LAMP3: variants seen among roughly 807,000 people sequenced by gnomAD.
LAMP3 encodes the protein lysosome associated membrane protein 3, also known as lysosome-associated membrane glycoprotein 3.
LAMP3 carries 26 observed loss-of-function variants against 34.8 expected under a neutral mutation model. The observed-to-expected ratio is 0.75, with a 90% confidence interval of 0.55 to 1.04. The LOEUF (loss-of-function observed/expected upper bound fraction) is 1.04, where lower values mean the gene tolerates loss of function less well. Ranked by LOEUF, LAMP3 falls within the 50% of genes least tolerant of loss-of-function variation. The pLI is 0.00. For synonymous variants in LAMP3, 180 were observed against 201.9 expected, an observed-to-expected ratio of 0.89 and a Z score of 0.92; for missense variants, 495 against 524.0, an observed-to-expected ratio of 0.94 and a Z score of 0.54.
rs780740694 is a variant in LAMP3, at chr3:183,162,703, G to A, written c.-48C>T. 6.8e-7 allele frequency: 1 copy of A among 1,475,308 alleles called. No individual in the cohort carries two copies. Among genetic ancestry groups the A allele is most frequent in the Non-Finnish European group, 8.9e-7 (1 of 1,118,686 alleles). The allele number at this position is 1,475,308 out of a possible 1,614,324, so 91.4% of individuals were successfully genotyped here. ...GCAGCGTGCGGCGAAGTCCGGGCAG[G>A]CCCCGAATCGGTGCCAGAGAAACCT... On this transcript the variant is annotated 5_prime_UTR_variant, in exon 1 of 6. Coordinates refer to ENST00000265598, the MANE Select transcript of LAMP3 (RefSeq NM_014398.4).
chr3:183,128,599 C>T (rs500193), intron 5 of LAMP3, among the ~76,000 whole-genome samples: 131,579 of 152,166 alleles, frequency 0.86, 57,312 homozygotes, highest in Middle Eastern at 0.93. Flanking sequence ...GTTTGTGTTC[C>T]CAGGCCCATA....
At chr3:183,132,144 G>T in intron 5 of LAMP3, 5 of 985,336 alleles carry the variant, frequency 5.1e-6, no homozygotes, top group Non-Finnish European at 4.8e-6. Context: ...ACATGAAATT[G>T]AAGCAACTGA....
intron 5 of LAMP3, 148 bp from the exon 6 acceptor site, chr3:183,124,362 G>T (rs1719735106): frequency 6.7e-6 from 4 of 597,646 alleles, no homozygotes; most frequent in Non-Finnish European, 1.1e-5. Flanking sequence ...CCTTGGGCAG[G>T]TAATTTACCC....
intron 3 of LAMP3, among the ~76,000 whole-genome samples, chr3:183,144,300 G>A (rs1420148850): frequency 6.6e-6 from 1 of 152,188 alleles, no homozygotes; most frequent in Non-Finnish European, 1.5e-5. Context: ...AAGTCGGGGT[G>A]AGCACTAGAG....
chr3:183,127,652 G>T (rs576755956), intron 5 of LAMP3, among the ~76,000 whole-genome samples: 4 of 152,048 alleles, frequency 2.6e-5, no homozygotes, highest in African/African-American at 9.6e-5. Context: ...TTTAATTTTT[G>T]ATGTTTTTAG....
At chr3:183,161,634 C>T (rs1720977668) in intron 1 of LAMP3, among the ~76,000 whole-genome samples, 1 of 152,112 alleles carries the variant, frequency 6.6e-6, no homozygotes, top group Non-Finnish European at 1.5e-5. Context: ...AGTGATCCGC[C>T]GGCCTCAGCC....
intron 2 of LAMP3, 58 bp downstream of exon 2, chr3:183,153,624 G>A (rs781300972): frequency 8.9e-6 from 11 of 1,239,360 alleles, no homozygotes; most frequent in Non-Finnish European, 1.2e-5. Flanking sequence ...TTCCTAGCAA[G>A]GCAACCTCCA....
chr3:183,143,249 C>T (rs1395289637), intron 3 of LAMP3, among the ~76,000 whole-genome samples: 5 of 152,056 alleles, frequency 3.3e-5, no homozygotes, highest in East Asian at 3.9e-4. Context: ...GCTGGGACTA[C>T]AAGCACGTGG....
chr3:183,140,551 G>T lies in LAMP3; in HGVS notation c.933C>A (p.Thr311=). Residue 311 remains threonine, a synonymous_variant, in exon 4 of 6, where the codon ACC becomes ACA. Transcript: ENST00000265598. Reference sequence around the variant, plus strand: ...GTAATTACTAACCTGGATCTGAGACGGTCAAATAGGCTCCCACTTCACTGA... The same window carrying T: ...GTAATTACTAACCTGGATCTGAGACTGTCAAATAGGCTCCCACTTCACTGA... ...YYISEVGAYL[T]VSDPETIYQG... 6 of 1,601,108 alleles carry T rather than the reference G, an allele frequency of 3.7e-6. No individual in the cohort carries two copies. Among genetic ancestry groups the T allele is most frequent in the Non-Finnish European group, 5.1e-6 (6 of 1,168,496 alleles).
At chr3:183,132,069 A>T (rs1410305534) in intron 5 of LAMP3, 1 of 985,310 alleles carries the variant, frequency 1.0e-6, no homozygotes, top group Non-Finnish European at 1.2e-6. Context: ...CACATTTACA[A>T]GAATAAAATA....
chr3:183,133,153 G>A (rs1339487084), intron 5 of LAMP3, among the ~76,000 whole-genome samples: 1 of 152,226 alleles, frequency 6.6e-6, no homozygotes. Flanking sequence ...CTGGTAATTA[G>A]TTAGGGAGCT....
chr3:183,154,771 TG>T (rs1720777015), intron 1 of LAMP3, among the ~76,000 whole-genome samples: 1 of 152,222 alleles, frequency 6.6e-6, no homozygotes, highest in South Asian at 2.1e-4. Flanking sequence ...ATAGTGTTCC[TG>T]GGTGAACAGC....
chr3:183,136,662 A>AAAC (rs1342309840), intron 4 of LAMP3, among the ~76,000 whole-genome samples: 8 of 144,594 alleles, frequency 5.5e-5, no homozygotes, highest in African/African-American at 8.3e-5. Context: ...AGAAAAAAAA[A>AAAC]AAAAAAAACA....
chr3:183,143,985 G>A lies in LAMP3; in HGVS notation c.889-3390C>T, dbSNP rs377253201. On this transcript the variant is annotated intron_variant, in intron 3 of 5. Transcript: ENST00000265598. ...GGCACCAACCAGCCCAATTCATCCT[G>A]CCCAGGACGCCAGCATGCCAATAAC... is the stretch of plus-strand genomic sequence containing the variant. Among the ~76,000 whole-genome samples, 48 of 152,056 alleles carry A rather than the reference G, an allele frequency of 3.2e-4. No homozygotes were observed. In the Middle Eastern group the frequency reaches 0.014, roughly 43 times the overall value.
At chr3:183,154,711 T>G (rs1183301154) in intron 1 of LAMP3, among the ~76,000 whole-genome samples, 1 of 152,206 alleles carries the variant, frequency 6.6e-6, no homozygotes, top group African/African-American at 2.4e-5. Flanking sequence ...TAAGTGTCAA[T>G]GCCTCTTCAT....
chr3:183,147,846 A>G lies in LAMP3; in HGVS notation c.888+4529T>C, dbSNP rs117493175. ...CATCCCACCTCAGCTTGCATGTGGT[A>G]GCTGGGACCACAGGTACACGTCACC... On this transcript the variant is annotated intron_variant, in intron 3 of 5. Coordinates refer to ENST00000265598, the MANE Select transcript of LAMP3 (RefSeq NM_014398.4). Among the ~76,000 whole-genome samples, 29 of 152,248 alleles carry G rather than the reference A, an allele frequency of 1.9e-4. No homozygotes were observed. The East Asian group carries it at 5.2e-3, about 27-fold the overall frequency.
chr3:183,126,398 A>C (rs1307233622), intron 5 of LAMP3, among the ~76,000 whole-genome samples: 4 of 152,314 alleles, frequency 2.6e-5, no homozygotes, highest in African/African-American at 9.6e-5. Context: ...TAAGCTATTA[A>C]ATTATTTAAC....
At chr3:183,137,687 C>T (rs970398801) in intron 4 of LAMP3, among the ~76,000 whole-genome samples, 4 of 152,146 alleles carry the variant, frequency 2.6e-5, no homozygotes, top group African/African-American at 9.7e-5. Flanking sequence ...ATTCTTAATA[C>T]CCCCACTAAC....
intron 1 of LAMP3, among the ~76,000 whole-genome samples, chr3:183,155,955 G>T (rs1720810391): frequency 6.6e-6 from 1 of 152,190 alleles, no homozygotes; most frequent in Non-Finnish European, 1.5e-5. Flanking sequence ...GTTGTCACAG[G>T]TTCTCTCCAG....
Sources: gnomAD v4.1 joint callset for allele counts (sites outside exome capture counted in the v4.1 genomes callset) on GRCh38, gnomAD v4.1.1 for gene constraint, MANE v1.5 for transcripts, NCBI Gene and HGNC (gene_info 2026-07-23, HGNC 2026-07-21) for gene names.